The following DLG2 variants were observed in gnomAD, a reference collection of about 807,000 sequenced individuals.
DLG2 encodes disks large homolog 2.
In DLG2, 45 loss-of-function variants were observed where a neutral mutation model predicts 132.5. That is an observed-to-expected ratio of 0.34 (90% CI 0.27 to 0.44). The LOEUF (loss-of-function observed/expected upper bound fraction) is 0.44. Ranked by LOEUF, DLG2 falls within the 20% of genes least tolerant of loss-of-function variation. DLG2 has a pLI of 1.00. For missense variants in DLG2, 1,045 were observed against 1,196.9 expected (o/e 0.87, Z 1.87); for synonymous variants, 424 against 419.6 (o/e 1.01, Z -0.13).
At chr11:84,153,037 G>A (rs1419356048) in intron 9 of DLG2, among the ~76,000 whole-genome samples, 5 of 152,084 alleles carry the variant, frequency 3.3e-5, no homozygotes, top group Non-Finnish European at 1.5e-5. Flanking sequence ...TGGCTGATCT[G>A]GTGGTAACAA....
At chr11:83,576,559 T>A (rs2096877142) in intron 19 of DLG2, among the ~76,000 whole-genome samples, 1 of 151,920 alleles carries the variant, frequency 6.6e-6, no homozygotes, top group Admixed American at 6.6e-5. Flanking sequence ...GCAAAGAGAA[T>A]AAGGAAGACA....
intron 21 of DLG2, among the ~76,000 whole-genome samples, chr11:83,487,169 C>T (rs2093570822): frequency 6.6e-6 from 1 of 152,150 alleles, no homozygotes; most frequent in South Asian, 2.1e-4. Context: ...TATCTTAGCT[C>T]TAGATCCATT....
intron 6 of DLG2, among the ~76,000 whole-genome samples, chr11:84,770,616 C>G (rs900558892): frequency 1.3e-5 from 2 of 150,994 alleles, no homozygotes; most frequent in African/African-American, 4.9e-5. Context: ...ACTGCATCCA[C>G]GTTGCTGTAA....
intron 5 of DLG2, among the ~76,000 whole-genome samples, chr11:85,146,559 G>A (rs1207009830): frequency 6.6e-6 from 1 of 152,110 alleles, no homozygotes; most frequent in East Asian, 1.9e-4. Context: ...AAGGGTTTCA[G>A]GATCCAGCGT....
In DLG2 at chr11:85,417,552, C is replaced by T. The variant is rs543706777; in HGVS notation, c.41-132187G>A. Among the ~76,000 whole-genome samples the T allele has an allele frequency of 7.2e-5, 11 of 152,188 alleles. No individual in the cohort carries two copies. The East Asian group carries it at 1.7e-3, about 24-fold the overall frequency. On this transcript the variant is annotated intron_variant, in intron 3 of 27. Transcript: ENST00000376104. ...TCCTCTTTATACCTCTGGTAGAATTCGGCTGTGAATCTATCTGGTCCTCAG... is the reference window on the plus strand; with the variant it reads ...TCCTCTTTATACCTCTGGTAGAATTTGGCTGTGAATCTATCTGGTCCTCAG...
intron 21 of DLG2, among the ~76,000 whole-genome samples, chr11:83,519,693 A>C (rs1163065976): frequency 1.3e-5 from 2 of 152,234 alleles, no homozygotes; most frequent in African/African-American, 4.8e-5. Context: ...AATACTAATC[A>C]AAGTCAAATT....
At chr11:85,458,924 G>C (rs746732587) in intron 3 of DLG2, among the ~76,000 whole-genome samples, 38 of 152,204 alleles carry the variant, frequency 2.5e-4, no homozygotes, top group Non-Finnish European at 5.3e-4. Flanking sequence ...GGTTATGGCA[G>C]AGAGCCTTTC....
At chr11:83,879,333 TG>T (rs1595840532) in intron 15 of DLG2, among the ~76,000 whole-genome samples, 1 of 152,198 alleles carries the variant, frequency 6.6e-6, no homozygotes, top group Non-Finnish European at 1.5e-5. Context: ...TAATGTGACT[TG>T]TAAAGTCACA....
chr11:85,545,779 A>G (rs1483970208), intron 3 of DLG2, among the ~76,000 whole-genome samples: 3 of 152,072 alleles, frequency 2.0e-5, no homozygotes, highest in African/African-American at 4.8e-5. Flanking sequence ...ATTTGCATAG[A>G]GGTGTTTATA....
chr11:83,808,867 C>CAAAA (rs2046581830), intron 17 of DLG2, among the ~76,000 whole-genome samples: 1 of 152,074 alleles, frequency 6.6e-6, no homozygotes, highest in African/African-American at 2.4e-5. Context: ...CCATTCTCCC[C>CAAAA]TGCAGGGTCT....
chr11:84,924,699 GGAA>G, intron 6 of DLG2, among the ~76,000 whole-genome samples: 1 of 152,114 alleles, frequency 6.6e-6, no homozygotes, highest in Admixed American at 6.5e-5. Context: ...CCTTTTTTTA[GGAA>G]GAAAAAGGCA....
intron 19 of DLG2, among the ~76,000 whole-genome samples, chr11:83,580,655 C>A (rs1200717970): frequency 6.6e-6 from 1 of 152,188 alleles, no homozygotes; most frequent in African/African-American, 2.4e-5. Flanking sequence ...TATTTGTCTA[C>A]TTAGTACCAC....
chr11:83,460,187 C>T (rs1423206169), intron 27 of DLG2, among the ~76,000 whole-genome samples: 1 of 152,180 alleles, frequency 6.6e-6, no homozygotes. Context: ...GTCTGTAGTA[C>T]TGGACAATTT....
intron 14 of DLG2, among the ~76,000 whole-genome samples, chr11:83,932,434 C>G (rs796081513): frequency 9.2e-5 from 14 of 151,996 alleles, no homozygotes; most frequent in African/African-American, 3.1e-4. Context: ...TGGGGTTTCA[C>G]TGCATTAGCA....
chr11:84,405,525 G>A (rs1456839413), intron 7 of DLG2, among the ~76,000 whole-genome samples: 2 of 152,144 alleles, frequency 1.3e-5, no homozygotes, highest in Non-Finnish European at 2.9e-5. Flanking sequence ...CTGGTGCTTT[G>A]ATTTCATACA....
chr11:84,102,488 A>G (rs1191257472), intron 9 of DLG2, among the ~76,000 whole-genome samples: 1 of 152,166 alleles, frequency 6.6e-6, no homozygotes, highest in Non-Finnish European at 1.5e-5. Context: ...GCTCTGTGTC[A>G]TTACAAGAAT....
chr11:84,146,056 G>A (rs1035064216), intron 9 of DLG2, among the ~76,000 whole-genome samples: 4 of 152,160 alleles, frequency 2.6e-5, no homozygotes, highest in African/African-American at 7.2e-5. Context: ...AATCAGAAAG[G>A]TTTCTAGGCA....
chr11:84,351,083 T>C (rs2098565326), intron 7 of DLG2, among the ~76,000 whole-genome samples: 1 of 152,148 alleles, frequency 6.6e-6, no homozygotes, highest in South Asian at 2.1e-4. Flanking sequence ...ACAGGAAATA[T>C]TTTTCTGTAC....
At chr11:84,569,884 A>C (rs925803784) in intron 6 of DLG2, among the ~76,000 whole-genome samples, 2 of 152,188 alleles carry the variant, frequency 1.3e-5, no homozygotes, top group Non-Finnish European at 2.9e-5. Context: ...GCTGTGAGAG[A>C]TAAATGAACA....
Sources: gnomAD v4.1 joint callset for allele counts (sites outside exome capture counted in the v4.1 genomes callset) on GRCh38, gnomAD v4.1.1 for gene constraint, MANE v1.5 for transcripts, NCBI Gene and HGNC (gene_info 2026-07-23, HGNC 2026-07-21) for gene names.